The following DCAF5 variants were observed in gnomAD, a reference collection of about 807,000 sequenced individuals.
The protein encoded by DCAF5 is DDB1 and CUL4 associated factor 5.
DCAF5 carries 9 observed loss-of-function variants against 80.7 expected under a neutral mutation model. The observed-to-expected ratio is 0.11, with a 90% confidence interval of 0.07 to 0.19. The LOEUF (loss-of-function observed/expected upper bound fraction) is 0.19. DCAF5 is among the 10% of genes least tolerant of loss of function. The probability of loss-of-function intolerance (pLI) is 1.00; values close to 1 mark genes in which losing one functional copy is unlikely to be tolerated. For missense variants in DCAF5, 842 were observed against 1,205.7 expected (o/e 0.70, Z 4.47); for synonymous variants, 433 against 461.9 (o/e 0.94, Z 0.80).
At chr14:69,078,336 AC>A (rs1422541012) in intron 6 of DCAF5, among the ~76,000 whole-genome samples, 1 of 152,232 alleles carries the variant, frequency 6.6e-6, no homozygotes, top group Non-Finnish European at 1.5e-5. Flanking sequence ...ACAATGAGAT[AC>A]CACCTCATAC....
Position 69,118,595 on chromosome 14 carries a change from A to C in DCAF5, c.396-317T>G, listed in dbSNP as rs2140061066. Among the ~76,000 whole-genome samples the C allele has an allele frequency of 6.6e-6, 1 of 152,262 alleles. No homozygotes were observed. The highest frequency in any genetic ancestry group is 1.9e-4 in the East Asian group (1 of 5,182). On this transcript the variant is annotated intron_variant, in intron 3 of 8. Coordinates refer to ENST00000341516, the MANE Select transcript of DCAF5 (RefSeq NM_003861.3). This position sits in a 1 kb window ranked among gnomAD's most constrained non-coding sequence, Gnocchi z 4.0. The stretch of plus-strand genomic sequence containing the variant: ...GCTTGTGTACAGATTTGGGGGTCAT[A>C]CTTGATTTTCAAAAAGCAAGGGAAA...
intron 5 of DCAF5, among the ~76,000 whole-genome samples, chr14:69,094,427 T>A (rs1208002493): frequency 6.6e-6 from 1 of 152,208 alleles, no homozygotes; most frequent in Non-Finnish European, 1.5e-5. Context: ...CCTATGCTTC[T>A]GGGCAGGGAA....
At position 69,091,206 on chromosome 14, in the gene DCAF5, G is replaced by C. The variant is rs1212931325; in HGVS notation, c.879+468C>G. 2.0e-5 allele frequency: 14 copies of C among 703,664 alleles called. No homozygotes were observed. In the South Asian group the frequency reaches 2.1e-4, roughly 10 times the overall value. 43.6% of individuals were successfully genotyped at this position (703,664 alleles called of 1,614,324 possible). On this transcript the variant is annotated intron_variant, in intron 6 of 8. Coordinates refer to ENST00000341516, the MANE Select transcript of DCAF5 (RefSeq NM_003861.3). ...AGCATCTGGCTCCCTCTCAAACAAAGCTGCTTACCCCATTTCATCCAAGAA... is the reference window on the plus strand; with the variant it reads ...AGCATCTGGCTCCCTCTCAAACAAACCTGCTTACCCCATTTCATCCAAGAA...
intron 1 of DCAF5, among the ~76,000 whole-genome samples, chr14:69,126,180 T>G (rs911043551): frequency 6.6e-6 from 1 of 151,464 alleles, no homozygotes; most frequent in Non-Finnish European, 1.5e-5. Flanking sequence ...TAGACGGAGT[T>G]TCACTTTTTT....
At chr14:69,112,592 T>TACACACACAC (rs1398075694) in intron 5 of DCAF5, among the ~76,000 whole-genome samples, 166 of 84,948 alleles carry the variant, frequency 2.0e-3, no homozygotes, top group African/African-American at 9.0e-3. Context: ...GATATATATG[T>TACACACACAC]ATACACACAC....
At position 69,118,659 on chromosome 14, in the gene DCAF5, G is replaced by A. The variant is rs920684595; in HGVS notation, c.396-381C>T. Among the ~76,000 whole-genome samples, 2 of 152,216 alleles carry A rather than the reference G, an allele frequency of 1.3e-5. No homozygotes were observed. Among genetic ancestry groups the A allele is most frequent in the Admixed American group, 1.3e-4 (2 of 15,278 alleles). ...CAAGTCTGATGCCTACAGGATGGGA[G>A]AGGGGTCTCCTAGCAATCTGGCATG... On this transcript the variant is annotated intron_variant, in intron 3 of 8. Transcript: ENST00000341516. The surrounding 1 kb of genome is among the most constrained non-coding windows in gnomAD (Gnocchi z 4.0).
chr14:69,086,464 G>GA (rs1034614354), intron 6 of DCAF5, among the ~76,000 whole-genome samples: 31 of 146,714 alleles, frequency 2.1e-4, no homozygotes, highest in African/African-American at 5.2e-4. Flanking sequence ...GCAAGGAGAT[G>GA]AAAAAAAAAA....
intron 7 of DCAF5, among the ~76,000 whole-genome samples, chr14:69,072,673 G>T (rs2139890313): frequency 6.6e-6 from 1 of 150,924 alleles, no homozygotes; most frequent in Middle Eastern, 3.4e-3. Flanking sequence ...AATGTGGGTG[G>T]GATCTGTAAG....
chr14:69,130,796 A>G (rs1282843555), intron 1 of DCAF5, among the ~76,000 whole-genome samples: 1 of 152,196 alleles, frequency 6.6e-6, no homozygotes, highest in East Asian at 1.9e-4. Context: ...CATCTTTGAG[A>G]GGCAGCAAAG....
chr14:69,121,075 G>A (rs1002521423), intron 2 of DCAF5, among the ~76,000 whole-genome samples: 1 of 152,190 alleles, frequency 6.6e-6, no homozygotes. Context: ...GGGCAAAATA[G>A]TACCATGCAG....
intron 1 of DCAF5, chr14:69,144,041 G>A (rs1431372823): frequency 6.6e-6 from 1 of 152,166 alleles, no homozygotes; most frequent in Non-Finnish European, 1.5e-5. Context: ...ACTCTCAGCA[G>A]TAATTTATCA....
chr14:69,106,791 G>A (rs1303631211), intron 5 of DCAF5, among the ~76,000 whole-genome samples: 1 of 152,184 alleles, frequency 6.6e-6, no homozygotes, highest in Admixed American at 6.5e-5. Context: ...TGTAATTCCA[G>A]CACATTGGGA....
At chr14:69,068,475 G>T (rs2038549180) in intron 7 of DCAF5, among the ~76,000 whole-genome samples, 1 of 152,138 alleles carries the variant, frequency 6.6e-6, no homozygotes, top group Non-Finnish European at 1.5e-5. Flanking sequence ...GAGGCAGGAG[G>T]ATCACCTGAG....
At chr14:69,064,690 T>C (rs1399155730) in intron 7 of DCAF5, among the ~76,000 whole-genome samples, 3 of 152,234 alleles carry the variant, frequency 2.0e-5, no homozygotes, top group Non-Finnish European at 4.4e-5. Flanking sequence ...CTGTATTCAA[T>C]GGTATCCTGA....
At chr14:69,072,892 T>C (rs1303177080) in intron 7 of DCAF5, among the ~76,000 whole-genome samples, 1 of 152,202 alleles carries the variant, frequency 6.6e-6, no homozygotes, top group African/African-American at 2.4e-5. Context: ...GTCCTGTCCT[T>C]GTGCACAAAG....
chr14:69,085,748 A>C (rs180779542), intron 6 of DCAF5, among the ~76,000 whole-genome samples: 30 of 152,236 alleles, frequency 2.0e-4, no homozygotes, highest in Middle Eastern at 3.4e-3. Flanking sequence ...CCTTCTCTTT[A>C]CAAAACAGAA....
rs1189093701 is a variant in DCAF5 at position 69,054,432 on chromosome 14, G to T, written c.2254C>A (p.His752Asn). 1 of 1,614,084 alleles carries T rather than the reference G, an allele frequency of 6.2e-7. No homozygotes were observed. The highest frequency in any genetic ancestry group is 1.3e-5 in the African/African-American group (1 of 75,074). Residue 752 changes from histidine (H) to asparagine (N), a missense_variant, in exon 9 of 9, where the codon CAT becomes AAT. His to Asn is a moderately conservative substitution (Grantham distance 68, BLOSUM62 1). This residue lies in a region of DCAF5 where 607 missense variants were observed against 656.6 expected (regional missense o/e 0.92). Coordinates refer to ENST00000341516, the MANE Select transcript of DCAF5 (RefSeq NM_003861.3). ...SNGPGHEHSS[H>N]AWAEVPEGTS... is the part of the protein sequence containing the mutation. Reference sequence around the variant, plus strand: ...CCCTCTGGCACCTCTGCCCAAGCATGGCTGCTGTGCTCATGGCCTGGGCCA... The same window carrying T: ...CCCTCTGGCACCTCTGCCCAAGCATTGCTGCTGTGCTCATGGCCTGGGCCA...
upstream of DCAF5, chr14:69,153,195 T>G (rs2041762318): frequency 7.6e-6 from 3 of 396,030 alleles, no homozygotes; most frequent in Non-Finnish European, 1.3e-5. Context: ...TCCCTCTGCC[T>G]CTCCGCCTCC....
intron 6 of DCAF5, among the ~76,000 whole-genome samples, chr14:69,082,571 G>T (rs890040272): frequency 6.6e-6 from 1 of 152,154 alleles, no homozygotes; most frequent in Non-Finnish European, 1.5e-5. Context: ...AGTGGCCAGC[G>T]TTACTTAAAG....
Sources: gnomAD v4.1 joint callset for allele counts (sites outside exome capture counted in the v4.1 genomes callset) on GRCh38, gnomAD v4.1.1 for gene constraint, gnomAD v4.1.1 regional missense constraint, Gnocchi (gnomAD v3.1) non-coding constraint, MANE v1.5 for transcripts, NCBI Gene and HGNC (gene_info 2026-07-23, HGNC 2026-07-21) for gene names.